The following POR variants were observed in gnomAD, a reference collection of about 807,000 sequenced individuals.
POR encodes the protein cytochrome p450 oxidoreductase.
Under a neutral mutation model 84.0 loss-of-function variants are expected in POR, and 56 were observed. The observed-to-expected ratio is 0.67, with a 90% CI of 0.54 to 0.83. The LOEUF (loss-of-function observed/expected upper bound fraction) is 0.83. Ranked by LOEUF, POR falls within the 40% of genes least tolerant of loss-of-function variation. The pLI is 0.00. For synonymous variants in POR, 414 were observed against 400.5 expected (o/e 1.03, Z -0.40); for missense variants, 938 against 944.3 (o/e 0.99, Z 0.09).
In POR at chr7:75,974,524, C is replaced by CTTTTTTT. The variant is rs1238804117; in HGVS notation, c.237+2077_237+2083dup. Among the ~76,000 whole-genome samples the CTTTTTTT allele has an allele frequency of 7.9e-4, 85 of 107,874 alleles. 1 individual carries two copies. The highest frequency in any genetic ancestry group is 1.3e-3 in the African/African-American group (36 of 27,172). 70.8% of individuals were successfully genotyped at this position (107,874 alleles called of 152,430 possible). A position where few individuals can be genotyped will look rare whatever the true frequency, so the allele number is the denominator to read the frequency against. On this transcript the variant is annotated intron_variant, in intron 3 of 15. Coordinates refer to ENST00000461988, the MANE Select transcript of POR (RefSeq NM_000941.3). ...TTCGTTTCTTTTTCTTTTTTCTTTT[C>CTTTTTTT]TTTTTTTTTTTTTTTTTTTTGAGAC...
chr7:75,985,752 C>A lies in POR; in HGVS notation c.1572C>A (p.Pro524=). ...TGCGCAAGTCCCAGTTCCGCCTGCC[C>A]TTCAAGGCCACCACGCCTGTCATCA... Residue 524 remains proline (P), a synonymous_variant, in exon 13 of 16, where the codon CCC becomes CCA. Coordinates refer to ENST00000461988, the MANE Select transcript of POR (RefSeq NM_000941.3). 1 of 1,583,092 alleles carries A rather than the reference C, an allele frequency of 6.3e-7. No individual in the cohort carries two copies. Among genetic ancestry groups the A allele is most frequent in the Non-Finnish European group, 8.6e-7 (1 of 1,166,092 alleles).
In POR at chr7:75,979,388, G is replaced by A. The variant is rs967574599; in HGVS notation, c.238-63G>A. ...CCCGCCTGCCAGGCCTGCCCAGTGG[G>A]TGTTCACCGGAGCCGTGGCTGAGGT... On this transcript the variant is annotated intron_variant, in intron 3 of 15. Coordinates refer to ENST00000461988, the MANE Select transcript of POR (RefSeq NM_000941.3). The A allele has an allele frequency of 3.8e-6, 6 of 1,582,284 alleles. No individual in the cohort carries two copies. The African/African-American group carries it at 8.1e-5, about 21-fold the overall frequency.
intron 2 of POR, among the ~76,000 whole-genome samples, chr7:75,957,318 T>C (rs1005365015): frequency 8.5e-5 from 13 of 152,124 alleles, no homozygotes; most frequent in African/African-American, 3.1e-4. Flanking sequence ...GGGCCCGATA[T>C]AGGAAGGGCA....
intron 2 of POR, among the ~76,000 whole-genome samples, chr7:75,959,193 C>A (rs973081429): frequency 1.2e-4 from 18 of 152,156 alleles, no homozygotes; most frequent in African/African-American, 4.1e-4. Flanking sequence ...GGCAACGTAG[C>A]AAGGCCCTGT....
intron 1 of POR, chr7:75,943,942 A>C (rs782200972): frequency 2.2e-6 from 1 of 452,114 alleles, no homozygotes; most frequent in Admixed American, 2.7e-5. Context: ...CAAAAGGGAG[A>C]ATTATCAACT....
intron 1 of POR, among the ~76,000 whole-genome samples, chr7:75,942,953 C>CTTT (rs1236331124): frequency 7.1e-6 from 1 of 140,916 alleles, no homozygotes; most frequent in Non-Finnish European, 1.5e-5. Context: ...TTTTCTTTTT[C>CTTT]TTTTTTTTTT....
At position 75,936,257 on chromosome 7, in the gene POR, C is replaced by T. The variant is rs551338475; in HGVS notation, c.-4-17732C>T. On this transcript the variant is annotated intron_variant, in intron 1 of 15. Transcript: ENST00000461988. ...TAGTTGGGACTACAGGTGCATGCTG[C>T]GACACCTGGATAATTTTTTTTTTTT... is the stretch of plus-strand genomic sequence containing the variant. 1.3e-3 allele frequency among the ~76,000 whole-genome samples: 194 copies of T among 151,060 alleles called. 1 individual carries two copies. The highest frequency in any genetic ancestry group is 6.8e-3 in the Middle Eastern group (2 of 294).
At chr7:75,981,302 C>G (rs1233540679) in intron 6 of POR, 130 bp downstream of exon 6, 18 of 1,359,134 alleles carry the variant, frequency 1.3e-5, no homozygotes, top group Middle Eastern at 2.6e-4. Flanking sequence ...AGGGAAGGGG[C>G]TCTCCTGCCT....
At chr7:75,986,270 G>A in intron 15 of POR, 29 bp downstream of exon 15, 1 of 1,612,624 alleles carries the variant, frequency 6.2e-7, no homozygotes. Flanking sequence ...TGGAATAGGG[G>A]GCAGGGAGGA....
chr7:75,976,725 C>G (rs576905252), intron 3 of POR, among the ~76,000 whole-genome samples: 7 of 150,766 alleles, frequency 4.6e-5, no homozygotes, highest in African/African-American at 1.7e-4. Flanking sequence ...CCAGCCTAGG[C>G]GACAAGAGCA....
intron 1 of POR, among the ~76,000 whole-genome samples, chr7:75,929,380 C>T (rs1352280996): frequency 6.6e-6 from 1 of 152,134 alleles, no homozygotes; most frequent in Non-Finnish European, 1.5e-5. Context: ...TTTCCTGCCT[C>T]AGCCTCCTGA....
intron 10 of POR, among the ~76,000 whole-genome samples, chr7:75,984,406 G>A (rs782067306): frequency 2.0e-5 from 3 of 152,182 alleles, no homozygotes; most frequent in Admixed American, 6.5e-5. Context: ...CCTGCTTGCC[G>A]GTCCTCAGCT....
intron 1 of POR, among the ~76,000 whole-genome samples, chr7:75,927,919 TC>T (rs1435560398): frequency 6.7e-6 from 1 of 150,320 alleles, no homozygotes; most frequent in Non-Finnish European, 1.5e-5. Flanking sequence ...GATCTTGCCC[TC>T]CTCGGCCTGA....
At chr7:75,961,982 C>T (rs1431151280) in intron 2 of POR, among the ~76,000 whole-genome samples, 4 of 152,004 alleles carry the variant, frequency 2.6e-5, no homozygotes, top group African/African-American at 9.7e-5. Flanking sequence ...CCACTGCACT[C>T]CAACCTGGGT....
At chr7:75,944,141 C>T (rs1466890808) in intron 1 of POR, among the ~76,000 whole-genome samples, 1 of 152,132 alleles carries the variant, frequency 6.6e-6, no homozygotes. Flanking sequence ...TAGGGTTTGT[C>T]AGCAGAGGCC....
intron 10 of POR, 142 bp from the exon 11 acceptor site, chr7:75,984,635 G>A: frequency 2.7e-6 from 2 of 727,394 alleles, no homozygotes; most frequent in South Asian, 3.4e-5. Context: ...GGAGGCATCA[G>A]AGAGCATAGG....
chr7:75,931,310 A>G (rs373909129), intron 1 of POR, among the ~76,000 whole-genome samples: 26 of 152,242 alleles, frequency 1.7e-4, no homozygotes, highest in African/African-American at 6.3e-4. Context: ...GAAAGAAACC[A>G]GTTACAAAGG....
chr7:75,915,697 C>G (rs1391420562), intron 1 of POR: 2 of 152,194 alleles, frequency 1.3e-5, no homozygotes, highest in African/African-American at 2.4e-5. Flanking sequence ...ACGGGAGCCC[C>G]CCAGCCCGGC....
At position 75,985,933 on chromosome 7, in the gene POR, G is replaced by A. The variant is rs782786537; in HGVS notation, c.1680G>A (p.Val560=). 12 of 1,587,300 alleles carry A rather than the reference G, an allele frequency of 7.6e-6. No homozygotes were observed. The highest frequency in any genetic ancestry group is 4.6e-5 in the South Asian group (4 of 87,234). ...GCCCCTGCCACGCAGGCAAGGAGGT[G>A]GGGGAGACGCTGCTGTACTACGGCT... Residue 560 remains valine, a synonymous_variant, in exon 14 of 16, where the codon GTG becomes GTA. Coordinates refer to ENST00000461988, the MANE Select transcript of POR (RefSeq NM_000941.3).
Sources: allele counts gnomAD v4.1 joint callset (sites outside exome capture counted in the v4.1 genomes callset), GRCh38; gene constraint gnomAD v4.1.1; transcripts MANE v1.5; gene names NCBI Gene and HGNC (gene_info 2026-07-23, HGNC 2026-07-21).